CNTNAP5: variants seen among roughly 807,000 people sequenced by gnomAD.
CNTNAP5 encodes the protein contactin associated protein family member 5, also known as contactin-associated protein-like 5.
Under a neutral mutation model 150.2 loss-of-function variants are expected in CNTNAP5, and 72 were observed. The observed-to-expected ratio is 0.48, with a 90% confidence interval of 0.40 to 0.58. CNTNAP5 has a LOEUF of 0.58. CNTNAP5 is among the 20% of genes least tolerant of loss of function. CNTNAP5 has a pLI of 0.00. For missense variants in CNTNAP5, 1,636 were observed against 1,626.2 expected (o/e 1.01, Z -0.10); for synonymous variants, 672 against 619.8 (o/e 1.08, Z -1.25).
chr2:124,573,070 A>G (rs1489850451), intron 11 of CNTNAP5, among the ~76,000 whole-genome samples: 1 of 152,228 alleles, frequency 6.6e-6, no homozygotes. Flanking sequence ...GCTTAAAGCC[A>G]CAGAACCGGT....
At chr2:124,615,525 C>T (rs1677477087) in intron 12 of CNTNAP5, among the ~76,000 whole-genome samples, 1 of 152,144 alleles carries the variant, frequency 6.6e-6, no homozygotes, top group Admixed American at 6.5e-5. Context: ...ACTTCTAATT[C>T]TAGTTCTGTT....
At chr2:124,261,011 TGTGG>T (rs1379760130) in intron 3 of CNTNAP5, among the ~76,000 whole-genome samples, 1 of 152,176 alleles carries the variant, frequency 6.6e-6, no homozygotes, top group Non-Finnish European at 1.5e-5. Flanking sequence ...TTTTATTTTT[TGTGG>T]GTGGAAATAC....
intron 3 of CNTNAP5, among the ~76,000 whole-genome samples, chr2:124,345,478 T>G (rs1470941175): frequency 2.6e-5 from 4 of 152,022 alleles, no homozygotes; most frequent in Admixed American, 2.6e-4. Context: ...GGGGGAGGAA[T>G]TACACAGCAA....
chr2:124,546,631 G>T (rs903988624), intron 10 of CNTNAP5, among the ~76,000 whole-genome samples: 1 of 152,152 alleles, frequency 6.6e-6, no homozygotes, highest in Non-Finnish European at 1.5e-5. Flanking sequence ...AGACAATGTG[G>T]CTTCAAAAGC....
At chr2:124,708,461 T>C (rs2105100633) in intron 13 of CNTNAP5, among the ~76,000 whole-genome samples, 1 of 152,238 alleles carries the variant, frequency 6.6e-6, no homozygotes, top group East Asian at 1.9e-4. Flanking sequence ...CTGCTGGTGC[T>C]TCTATTGGCG....
intron 5 of CNTNAP5, among the ~76,000 whole-genome samples, chr2:124,435,655 T>G (rs1016517402): frequency 6.6e-6 from 1 of 152,166 alleles, no homozygotes; most frequent in Non-Finnish European, 1.5e-5. Flanking sequence ...AATTGCAAAA[T>G]GTAATTTGTA....
At position 124,869,667 on chromosome 2, in the gene CNTNAP5, T is replaced by C; in HGVS notation, c.3349-8T>C. 1 of 1,602,176 alleles carries C rather than the reference T, an allele frequency of 6.2e-7. No homozygotes were observed. The highest frequency in any genetic ancestry group is 8.5e-7 in the Non-Finnish European group (1 of 1,169,946). ...GCTGATGTGCCTTTGTTTTCTGTTT[T>C]CCTGCAGATGGACCAGCAACTTCGA... On this transcript the variant is annotated splice_region_variant and splice_polypyrimidine_tract_variant and intron_variant, in intron 20 of 23. Coordinates refer to ENST00000682447, the MANE Select transcript of CNTNAP5 (RefSeq NM_001367498.1).
At chr2:124,600,579 C>T (rs1307132849) in intron 11 of CNTNAP5, among the ~76,000 whole-genome samples, 3 of 152,088 alleles carry the variant, frequency 2.0e-5, no homozygotes, top group Non-Finnish European at 4.4e-5. Flanking sequence ...GTGGGATATG[C>T]TGACCAGAGC....
chr2:124,379,528 A>G (rs1690737475), intron 3 of CNTNAP5, among the ~76,000 whole-genome samples: 1 of 152,078 alleles, frequency 6.6e-6, no homozygotes, highest in Non-Finnish European at 1.5e-5. Flanking sequence ...CATTGTCTGG[A>G]CATACCACAG....
chr2:124,819,839 G>A (rs1682446536), intron 19 of CNTNAP5, among the ~76,000 whole-genome samples: 1 of 152,168 alleles, frequency 6.6e-6, no homozygotes, highest in Non-Finnish European at 1.5e-5. Context: ...ATGTCCCTCA[G>A]GCTTTCCCAT....
intron 7 of CNTNAP5, among the ~76,000 whole-genome samples, chr2:124,500,054 GA>G (rs1176216129): frequency 3.0e-4 from 45 of 148,930 alleles, no homozygotes; most frequent in Non-Finnish European, 4.6e-4. Context: ...CAAGAGGAAG[GA>G]AAAAAAAAAG....
chr2:124,764,729 A>G (rs983862653), intron 16 of CNTNAP5, among the ~76,000 whole-genome samples: 3 of 152,190 alleles, frequency 2.0e-5, no homozygotes, highest in East Asian at 1.9e-4. Flanking sequence ...TGATATGTGA[A>G]GAAAAATAAT....
At chr2:124,628,747 C>T (rs935911604) in intron 12 of CNTNAP5, among the ~76,000 whole-genome samples, 1 of 152,090 alleles carries the variant, frequency 6.6e-6, no homozygotes, top group African/African-American at 2.4e-5. Flanking sequence ...CTAAATGCCC[C>T]AAATAAAAGA....
At chr2:124,410,978 G>A (rs1200494179) in intron 3 of CNTNAP5, among the ~76,000 whole-genome samples, 6 of 151,904 alleles carry the variant, frequency 3.9e-5, no homozygotes, top group Admixed American at 6.6e-5. Context: ...TTGATAGACC[G>A]CTAGCAGGAC....
chr2:124,707,156 GA>G (rs1679700907), intron 13 of CNTNAP5, among the ~76,000 whole-genome samples: 2 of 91,296 alleles, frequency 2.2e-5, no homozygotes, highest in African/African-American at 3.5e-5. Context: ...AGAAGAAGAA[GA>G]AGAAGAAGAA....
chr2:124,726,799 C>T (rs755840846), intron 13 of CNTNAP5, among the ~76,000 whole-genome samples: 11 of 151,576 alleles, frequency 7.3e-5, no homozygotes, highest in Admixed American at 2.6e-4. Flanking sequence ...TTTTCACTCT[C>T]GATTGTTGAT....
intron 1 of CNTNAP5, among the ~76,000 whole-genome samples, chr2:124,080,311 A>G (rs186034543): frequency 5.3e-5 from 8 of 152,252 alleles, no homozygotes; most frequent in Non-Finnish European, 8.8e-5. Context: ...AAAAATATGC[A>G]TTTTTCTAGT....
intron 1 of CNTNAP5, among the ~76,000 whole-genome samples, chr2:124,034,862 C>A (rs1297276036): frequency 3.3e-5 from 5 of 152,158 alleles, no homozygotes. Context: ...ACATTACCCT[C>A]CTGTGTACTA....
chr2:124,712,644 G>T (rs1428651874), intron 13 of CNTNAP5, among the ~76,000 whole-genome samples: 1 of 152,126 alleles, frequency 6.6e-6, no homozygotes, highest in African/African-American at 2.4e-5. Flanking sequence ...AGATCAAGTT[G>T]TCAGAAGGTT....
Sources: allele counts gnomAD v4.1 joint callset (sites outside exome capture counted in the v4.1 genomes callset), GRCh38; gene constraint gnomAD v4.1.1; transcripts MANE v1.5; gene names NCBI Gene and HGNC (gene_info 2026-07-23, HGNC 2026-07-21).